Variants in COL4A5 observed in about 807,000 individuals in gnomAD.
COL4A5 encodes collagen type IV alpha 5 chain, also known as collagen alpha-5(IV) chain.
In COL4A5, 26 loss-of-function variants were observed where a neutral mutation model predicts 130.2. That is an observed-to-expected ratio of 0.20 (90% CI 0.15 to 0.28). The LOEUF is 0.28. COL4A5 is among the 10% of genes least tolerant of loss of function. COL4A5 has a pLI of 1.00. For synonymous variants in COL4A5, 496 were observed against 439.6 expected (o/e 1.13, Z -1.60); for missense variants, 1,131 against 1,344.3 (o/e 0.84, Z 2.48).
chrX:108,689,706 G>A (rs1382248753), intron 49 of COL4A5: 2 of 752,499 alleles, frequency 2.7e-6, no homozygotes, highest in East Asian at 1.5e-4. Flanking sequence ...CCTCCTGATC[G>A]AATAAATGCA....
chrX:108,463,177 CTT>C (rs1198490794), intron 1 of COL4A5, among the ~76,000 whole-genome samples: 5 of 111,579 alleles, frequency 4.5e-5, no homozygotes, highest in Non-Finnish European at 9.4e-5. Context: ...AATTTTAAAA[CTT>C]TATGTTTTAA....
intron 17 of COL4A5, among the ~76,000 whole-genome samples, chrX:108,583,855 G>GT (rs2066288594): frequency 9.1e-6 from 1 of 109,935 alleles, no homozygotes; most frequent in Admixed American, 9.7e-5. Context: ...GAATATTGTG[G>GT]TTTTTTTCAT....
At chrX:108,505,117 T>C (rs921543498) in intron 1 of COL4A5, among the ~76,000 whole-genome samples, 1 of 111,386 alleles carries the variant, frequency 9.0e-6, no homozygotes, top group African/African-American at 3.3e-5. Context: ...TTATTTTAAG[T>C]GATGTAATTC....
intron 34 of COL4A5, among the ~76,000 whole-genome samples, chrX:108,625,207 G>A (rs906709849): frequency 4.4e-5 from 5 of 112,474 alleles, no homozygotes; most frequent in African/African-American, 1.6e-4. Context: ...GCCTGTTCAG[G>A]TCACTGCCCA....
chrX:108,683,681 T>C (rs746367816), intron 47 of COL4A5, among the ~76,000 whole-genome samples: 21 of 111,772 alleles, frequency 1.9e-4, no homozygotes, highest in African/African-American at 6.5e-4. Flanking sequence ...TCACTCATGA[T>C]TTGGCTCTCT....
intron 2 of COL4A5, among the ~76,000 whole-genome samples, chrX:108,548,560 T>C (rs780293011): frequency 9.0e-6 from 1 of 111,563 alleles, no homozygotes; most frequent in Admixed American, 9.5e-5. Context: ...GAATAAATTA[T>C]GGGGCACTAA....
chrX:108,507,474 T>C (rs901969719), intron 1 of COL4A5, among the ~76,000 whole-genome samples: 9 of 111,506 alleles, frequency 8.1e-5, no homozygotes, highest in Admixed American at 7.6e-4. Context: ...CAAGTCCACA[T>C]GATGATCTCA....
chrX:108,498,962 G>T (rs1056570012), intron 1 of COL4A5, among the ~76,000 whole-genome samples: 9 of 111,068 alleles, frequency 8.1e-5, no homozygotes, highest in African/African-American at 2.9e-4. Flanking sequence ...AGATGATTTT[G>T]CTCTTCCCTT....
intron 28 of COL4A5, among the ~76,000 whole-genome samples, chrX:108,603,778 C>T (rs1296928291): frequency 8.9e-6 from 1 of 112,099 alleles, no homozygotes; most frequent in South Asian, 3.7e-4. Context: ...AGTAGAACCT[C>T]TTTCAAAATT....
chrX:108,672,268 T>C (rs756960311), intron 42 of COL4A5, among the ~76,000 whole-genome samples: 2 of 112,520 alleles, frequency 1.8e-5, no homozygotes, highest in South Asian at 3.7e-4. Context: ...CTGACCTACA[T>C]AGAATTTTGC....
chrX:108,633,920 A>G (rs952148890), intron 36 of COL4A5, among the ~76,000 whole-genome samples: 7 of 111,912 alleles, frequency 6.3e-5, no homozygotes, highest in African/African-American at 1.6e-4. Context: ...AGTTATCATT[A>G]CTTAACACCG....
intron 31 of COL4A5, among the ~76,000 whole-genome samples, chrX:108,621,485 A>C (rs2067050271): frequency 9.1e-6 from 1 of 110,395 alleles, no homozygotes; most frequent in African/African-American, 3.3e-5. Flanking sequence ...CTTTTGATCT[A>C]GGCTTGGGAG....
At chrX:108,622,850 A>G (rs1419730200) in intron 33 of COL4A5, 25 bp downstream of exon 33, 1 of 1,182,436 alleles carries the variant, frequency 8.5e-7, no homozygotes, top group Non-Finnish European at 1.1e-6. Context: ...TTATTTATGA[A>G]TATTTTTCCT....
intron 1 of COL4A5, among the ~76,000 whole-genome samples, chrX:108,488,198 T>G (rs1487443836): frequency 8.9e-6 from 1 of 112,645 alleles, no homozygotes; most frequent in Non-Finnish European, 1.9e-5. Context: ...TGCAAACATG[T>G]GCACACATTC....
At chrX:108,447,499 C>T (rs2064465771) in intron 1 of COL4A5, among the ~76,000 whole-genome samples, 1 of 111,988 alleles carries the variant, frequency 8.9e-6, no homozygotes, top group Non-Finnish European at 1.9e-5. Flanking sequence ...TGCAAAGTCA[C>T]AAACTGTTAT....
At chrX:108,551,160 A>G (rs192658759) in intron 2 of COL4A5, among the ~76,000 whole-genome samples, 7 of 112,015 alleles carry the variant, frequency 6.2e-5, no homozygotes, top group African/African-American at 1.9e-4. Flanking sequence ...TAATTAAACT[A>G]AAGAGCTTCT....
At chrX:108,648,715 G>C (rs760591286) in intron 36 of COL4A5, among the ~76,000 whole-genome samples, 1 of 111,196 alleles carries the variant, frequency 9.0e-6, no homozygotes, top group African/African-American at 3.3e-5. Flanking sequence ...AACTCTCAGC[G>C]AAGTCAGCAT....
chrX:108,477,915 C>T (rs956877688), intron 1 of COL4A5, among the ~76,000 whole-genome samples: 1 of 110,604 alleles, frequency 9.0e-6, no homozygotes, highest in Admixed American at 9.6e-5. Flanking sequence ...TGATGATTAC[C>T]TTGTTCTACT....
chrX:108,555,341 A>G (rs1308078836), intron 2 of COL4A5, among the ~76,000 whole-genome samples: 1 of 111,992 alleles, frequency 8.9e-6, no homozygotes, highest in Non-Finnish European at 1.9e-5. Flanking sequence ...CCAAAGGTCT[A>G]TTTTCTTGTT....
Sources: gnomAD v4.1 joint callset for allele counts (sites outside exome capture counted in the v4.1 genomes callset) on GRCh38, gnomAD v4.1.1 for gene constraint, MANE v1.5 for transcripts, NCBI Gene and HGNC (gene_info 2026-07-23, HGNC 2026-07-21) for gene names.